MACROD2: variants seen among roughly 807,000 people sequenced by gnomAD.
MACROD2 encodes the protein ADP-ribose glycohydrolase MACROD2.
MACROD2 carries 36 observed loss-of-function variants against 70.4 expected under a neutral mutation model. That is an observed-to-expected ratio of 0.51 (90% CI 0.39 to 0.68). The LOEUF (loss-of-function observed/expected upper bound fraction) is 0.68. Among genes scored for constraint, MACROD2 ranks in the 30% least tolerant of loss-of-function variants. The pLI is 0.00. For missense variants in MACROD2, 496 were observed against 538.4 expected (o/e 0.92, Z 0.78); for synonymous variants, 172 against 178.8 (o/e 0.96, Z 0.30).
At chr20:14,231,021 A>G (rs1031671943) in intron 3 of MACROD2, among the ~76,000 whole-genome samples, 1 of 151,908 alleles carries the variant, frequency 6.6e-6, no homozygotes, top group Non-Finnish European at 1.5e-5. Flanking sequence ...GTAAGTCTCA[A>G]TAGTAATCTT....
At chr20:14,753,783 A>G (rs2071905797) in intron 5 of MACROD2, among the ~76,000 whole-genome samples, 1 of 152,110 alleles carries the variant, frequency 6.6e-6, no homozygotes, top group Non-Finnish European at 1.5e-5. Context: ...ATAAAAGACA[A>G]TCCTTTACAA....
chr20:16,013,375 A>G (rs151079928), intron 15 of MACROD2, among the ~76,000 whole-genome samples: 42 of 152,324 alleles, frequency 2.8e-4, no homozygotes, highest in South Asian at 2.3e-3. Context: ...GAAATTGTAA[A>G]GACTTGACTC....
At chr20:14,192,732 ATC>A (rs2081398805) in intron 3 of MACROD2, among the ~76,000 whole-genome samples, 1 of 152,172 alleles carries the variant, frequency 6.6e-6, no homozygotes, top group South Asian at 2.1e-4. Flanking sequence ...TCTCTGGGCC[ATC>A]TGTTTATGCG....
chr20:15,768,223 T>C (rs929739391), intron 8 of MACROD2, among the ~76,000 whole-genome samples: 4 of 152,038 alleles, frequency 2.6e-5, no homozygotes, highest in Non-Finnish European at 5.9e-5. Flanking sequence ...AGTTTCATCA[T>C]TGCACAAACA....
intron 5 of MACROD2, among the ~76,000 whole-genome samples, chr20:14,915,629 A>G (rs1390995342): frequency 6.6e-6 from 1 of 152,166 alleles, no homozygotes; most frequent in African/African-American, 2.4e-5. Flanking sequence ...CGACTGTGTG[A>G]GGCCGCCCAG....
rs1412664933 is a variant in MACROD2 at position 15,113,104 on chromosome 20, C to T, written c.419-116836C>T. On this transcript the variant is annotated intron_variant, in intron 5 of 17. Coordinates refer to ENST00000684519, the MANE Select transcript of MACROD2 (RefSeq NM_001351661.2). ...GAGTGTACAGATATCTGTTTGAGCT[C>T]CTGCTTTCAATTCTTTTGAGTATAT... Among the ~76,000 whole-genome samples the T allele has an allele frequency of 2.6e-5, 4 of 152,104 alleles. No homozygotes were observed. In the East Asian group the frequency reaches 7.7e-4, roughly 29 times the overall value.
At chr20:15,487,648 A>G (rs1373331651) in intron 7 of MACROD2, among the ~76,000 whole-genome samples, 1 of 152,090 alleles carries the variant, frequency 6.6e-6, no homozygotes, top group African/African-American at 2.4e-5. Context: ...GTCAGACAGA[A>G]CTCAGAATAG....
intron 8 of MACROD2, among the ~76,000 whole-genome samples, chr20:15,759,896 T>C (rs1469076829): frequency 6.6e-6 from 1 of 152,178 alleles, no homozygotes; most frequent in Admixed American, 6.5e-5. Context: ...ACCAGGAAAA[T>C]GCTACAATTC....
chr20:14,433,070 A>G (rs974341907), intron 3 of MACROD2, among the ~76,000 whole-genome samples: 1 of 152,126 alleles, frequency 6.6e-6, no homozygotes, highest in Admixed American at 6.6e-5. Flanking sequence ...AGTGTGTGTC[A>G]CCATCAGCAG....
chr20:14,033,613 C>T (rs1449195663), intron 2 of MACROD2, among the ~76,000 whole-genome samples: 1 of 152,132 alleles, frequency 6.6e-6, no homozygotes, highest in Non-Finnish European at 1.5e-5. Flanking sequence ...GAACGTGATA[C>T]ATGCACATGG....
At chr20:15,002,279 A>AT (rs1408443257) in intron 5 of MACROD2, among the ~76,000 whole-genome samples, 1 of 151,662 alleles carries the variant, frequency 6.6e-6, no homozygotes, top group African/African-American at 2.4e-5. Flanking sequence ...AACATCTAGT[A>AT]TTTTTTTGTT....
chr20:15,271,846 C>T (rs562777198), intron 6 of MACROD2, among the ~76,000 whole-genome samples: 3 of 152,292 alleles, frequency 2.0e-5, no homozygotes, highest in African/African-American at 7.2e-5. Flanking sequence ...GCTACCTACA[C>T]GTGGTTAATA....
intron 5 of MACROD2, among the ~76,000 whole-genome samples, chr20:14,913,970 T>G (rs546199571): frequency 2.0e-5 from 3 of 152,230 alleles, no homozygotes; most frequent in African/African-American, 7.2e-5. Context: ...AGCTAAGTGG[T>G]GCTGGAATAA....
chr20:14,085,723 A>G lies in MACROD2; in HGVS notation c.266A>G (p.Asn89Ser), dbSNP rs1732482085. The G allele has an allele frequency of 6.6e-7, 1 of 1,514,966 alleles. No individual in the cohort carries two copies. Among genetic ancestry groups the G allele is most frequent in the African/African-American group, 1.4e-5 (1 of 71,456 alleles). The allele number at this position is 1,514,966 out of a possible 1,614,324, so 93.8% of individuals were successfully genotyped here. Residue 89 changes from asparagine (N) to serine (S), a missense_variant, in exon 3 of 18, where the codon AAT (asparagine) becomes AGT (serine). Asn to Ser is a conservative substitution (Grantham distance 46, BLOSUM62 1). Transcript: ENST00000684519. ...ITLLEVDAIV[N>S]AANASLLGGG... ...TTGCTAGAGGTAGATGCTATAGTCA[A>G]TGCCGGTGAGTAGTTGATTTTCCTG... is the stretch of plus-strand genomic sequence containing the variant.
intron 6 of MACROD2, among the ~76,000 whole-genome samples, chr20:15,364,474 G>A (rs933539044): frequency 6.6e-6 from 1 of 152,164 alleles, no homozygotes; most frequent in Non-Finnish European, 1.5e-5. Flanking sequence ...AGTTTATTAA[G>A]CACCTAGTGT....
chr20:14,934,114 C>T (rs1357814408), intron 5 of MACROD2, among the ~76,000 whole-genome samples: 1 of 152,186 alleles, frequency 6.6e-6, no homozygotes, highest in Non-Finnish European at 1.5e-5. Flanking sequence ...TGCACTGGTG[C>T]CTCTTGCAGC....
chr20:15,299,136 G>C (rs1187805662), intron 6 of MACROD2, among the ~76,000 whole-genome samples: 1 of 152,120 alleles, frequency 6.6e-6, no homozygotes, highest in Non-Finnish European at 1.5e-5. Context: ...TTCTAACACT[G>C]TTGCCTCTGA....
intron 8 of MACROD2, among the ~76,000 whole-genome samples, chr20:15,759,552 G>T (rs1379083280): frequency 6.6e-6 from 1 of 152,120 alleles, no homozygotes; most frequent in Non-Finnish European, 1.5e-5. Flanking sequence ...GAAATGCCTA[G>T]GTTTCACTTG....
intron 8 of MACROD2, among the ~76,000 whole-genome samples, chr20:15,575,612 C>G (rs1165445010): frequency 6.6e-6 from 1 of 152,072 alleles, no homozygotes; most frequent in Admixed American, 6.6e-5. Flanking sequence ...TTCTATAGCA[C>G]TGATTTATGA....
Sources: allele counts gnomAD v4.1 joint callset (sites outside exome capture counted in the v4.1 genomes callset), GRCh38; gene constraint gnomAD v4.1.1; transcripts MANE v1.5; gene names NCBI Gene and HGNC (gene_info 2026-07-23, HGNC 2026-07-21).